CD8B2: variants seen among roughly 807,000 people sequenced by gnomAD.
CD8B2 encodes T-cell surface glycoprotein CD8 beta-2 chain.
A neutral mutation model predicts 23.7 loss-of-function variants in CD8B2; 11 were observed. That is an observed-to-expected ratio of 0.46 (90% CI 0.29 to 0.77). CD8B2 has a LOEUF of 0.77. Among genes scored for constraint, CD8B2 ranks in the 30% least tolerant of loss-of-function variants. The pLI is 0.09. For missense variants in CD8B2, 197 were observed against 270.5 expected, an observed-to-expected ratio of 0.73 and a Z score of 1.91; for synonymous variants, 90 against 109.3, an observed-to-expected ratio of 0.82 and a Z score of 1.10.
At chr2:106,490,605 G>A (rs1679174867) in intron 1 of CD8B2, among the ~76,000 whole-genome samples, 1 of 152,246 alleles carries the variant, frequency 6.6e-6, no homozygotes, top group Admixed American at 6.5e-5. Context: ...AGGCATATAA[G>A]TACACAATAA....
At chr2:106,527,480 G>A (rs1679922685) in intron 5 of CD8B2, among the ~76,000 whole-genome samples, 1 of 152,060 alleles carries the variant, frequency 6.6e-6, no homozygotes, top group Non-Finnish European at 1.5e-5. Context: ...CCCCTATTCC[G>A]AGCCAATAAA....
At chr2:106,538,685 T>G (rs1327762935) in intron 5 of CD8B2, among the ~76,000 whole-genome samples, 6 of 152,164 alleles carry the variant, frequency 3.9e-5, no homozygotes, top group Admixed American at 3.9e-4. Context: ...TGGTAATAGC[T>G]GGCTTCCGTG....
Position 106,504,250 on chromosome 2 carries a change from C to G in CD8B2, c.584-39C>G, listed in dbSNP as rs970777486. On this transcript the variant is annotated intron_variant, in intron 4 of 5. Coordinates refer to ENST00000643224, the MANE Select transcript of CD8B2 (RefSeq NM_001349727.2). ...CTCTGGGGCTCAGCACAGTGACCCA[C>G]AGCCCACACTGACTGGCGCCCTTGC... 4 of 1,554,196 alleles carry G rather than the reference C, an allele frequency of 2.6e-6. No individual in the cohort carries two copies. In the African/African-American group the frequency reaches 5.5e-5, roughly 21 times the overall value.
chr2:106,537,887 C>A (rs1462294054), intron 5 of CD8B2: 1 of 152,164 alleles, frequency 6.6e-6, no homozygotes, highest in East Asian at 1.9e-4. Flanking sequence ...CTGCTTGTTG[C>A]TAAGCTAGCT....
At chr2:106,517,127 A>G (rs897486852) in intron 5 of CD8B2, among the ~76,000 whole-genome samples, 1 of 151,566 alleles carries the variant, frequency 6.6e-6, no homozygotes, top group African/African-American at 2.4e-5. Context: ...ATTATTATTT[A>G]ATTTCCTAGC....
At chr2:106,488,994 T>G (rs1429820083) in intron 1 of CD8B2, among the ~76,000 whole-genome samples, 2 of 151,674 alleles carry the variant, frequency 1.3e-5, no homozygotes, top group Non-Finnish European at 2.9e-5. Context: ...ATTTTTATTT[T>G]TATTTTTTAA....
intron 1 of CD8B2, among the ~76,000 whole-genome samples, chr2:106,489,006 A>T (rs1679138166): frequency 1.3e-5 from 2 of 151,248 alleles, no homozygotes; most frequent in African/African-American, 4.9e-5. Context: ...ATTTTTTAAT[A>T]ATTTTTTCTT....
chr2:106,502,867 G>C (rs543258739), intron 4 of CD8B2, among the ~76,000 whole-genome samples: 1 of 151,852 alleles, frequency 6.6e-6, no homozygotes, highest in African/African-American at 2.4e-5. Flanking sequence ...CTACCTCCCA[G>C]AGTTGCTGTT....
At chr2:106,512,196 C>T (rs1408083653), downstream of CD8B2, among the ~76,000 whole-genome samples, 3 of 152,120 alleles carry the variant, frequency 2.0e-5, no homozygotes, top group African/African-American at 7.2e-5. Flanking sequence ...GCACCTCAGC[C>T]TCCTGAGTTT....
intron 5 of CD8B2, chr2:106,543,008 G>A (rs576875852): frequency 6.6e-6 from 1 of 152,198 alleles, no homozygotes; most frequent in South Asian, 2.1e-4. Context: ...TCGCGTTAAT[G>A]TACCCTGTTT....
chr2:106,505,200 AC>A (rs1241423088), intron 5 of CD8B2, among the ~76,000 whole-genome samples: 1 of 152,156 alleles, frequency 6.6e-6, no homozygotes, highest in Non-Finnish European at 1.5e-5. Context: ...CAAAACAGAG[AC>A]TGTTTCACAT....
chr2:106,543,954 G>T, intron 5 of CD8B2: 1 of 398,622 alleles, frequency 2.5e-6, no homozygotes, highest in East Asian at 3.6e-5. Flanking sequence ...TGATTCGATT[G>T]TTCTTCTCTA....
intron 3 of CD8B2, among the ~76,000 whole-genome samples, chr2:106,500,556 A>AATTAAT (rs1553466755): frequency 6.3e-4 from 66 of 104,606 alleles, no homozygotes; most frequent in Admixed American, 2.2e-3. Flanking sequence ...AAATAAATAA[A>AATTAAT]TAAATAATTA....
chr2:106,544,258 G>T (rs1170648853), exon 6 of CD8B2: 1 of 391,494 alleles, frequency 2.6e-6, no homozygotes, highest in Non-Finnish European at 4.5e-6. Context: ...GATTTGGAAT[G>T]TGGGAAGCAG....
downstream of CD8B2, among the ~76,000 whole-genome samples, chr2:106,515,339 A>G (rs1256406954): frequency 6.6e-6 from 1 of 152,172 alleles, no homozygotes; most frequent in Non-Finnish European, 1.5e-5. Context: ...TCTTTGTCAT[A>G]GACTGCCCTG....
intron 1 of CD8B2, among the ~76,000 whole-genome samples, chr2:106,490,163 G>C (rs1459684251): frequency 6.6e-6 from 1 of 152,034 alleles, no homozygotes; most frequent in Non-Finnish European, 1.5e-5. Flanking sequence ...TCCTCTCCCA[G>C]CCTGTCCTGG....
rs193170590 is a variant in CD8B2 at position 106,510,411 on chromosome 2, C to T, written c.*3471C>T. On this transcript the variant is annotated 3_prime_UTR_variant, in exon 6 of 6. Transcript: ENST00000643224. ...ATCCAAGTACAGAACATTGTAGAAC[C>T]GTGTAAAATTGGTATTTGGAAGTTT... 15 of 152,198 alleles carry T rather than the reference C, an allele frequency of 9.9e-5. No individual in the cohort carries two copies. Among genetic ancestry groups the T allele is most frequent in the South Asian group, 2.1e-4 (1 of 4,812 alleles). The allele number at this position is 152,198 out of a possible 1,614,324, so 9.4% of individuals were successfully genotyped here.
chr2:106,541,484 T>C (rs565792396), intron 5 of CD8B2, among the ~76,000 whole-genome samples: 3 of 152,300 alleles, frequency 2.0e-5, no homozygotes, highest in East Asian at 1.9e-4. Context: ...ATCTAGCGGA[T>C]ATGTTGCTAA....
chr2:106,539,594 A>T (rs1680142018), intron 5 of CD8B2, among the ~76,000 whole-genome samples: 1 of 152,200 alleles, frequency 6.6e-6, no homozygotes, highest in Non-Finnish European at 1.5e-5. Context: ...TTGCTGCTTA[A>T]TTCCAGCTTA....
Sources: allele counts gnomAD v4.1 joint callset (sites outside exome capture counted in the v4.1 genomes callset), GRCh38; gene constraint gnomAD v4.1.1; transcripts MANE v1.5; gene names NCBI Gene and HGNC (gene_info 2026-07-23, HGNC 2026-07-21).